PEX7: variants seen among roughly 807,000 people sequenced by gnomAD.
PEX7 encodes the protein peroxisomal biogenesis factor 7, also known as PTS2 receptor.
Under a neutral mutation model 47.5 loss-of-function variants are expected in PEX7, and 34 were observed. The observed-to-expected ratio is 0.72, with a 90% CI of 0.54 to 0.95. PEX7 has a LOEUF of 0.95. Ranked by LOEUF, PEX7 falls within the 40% of genes least tolerant of loss-of-function variation. The pLI is 0.00. For synonymous variants in PEX7, 141 were observed against 148.8 expected, an observed-to-expected ratio of 0.95 and a Z score of 0.38; for missense variants, 394 against 400.3, an observed-to-expected ratio of 0.98 and a Z score of 0.13.
intron 5 of PEX7, among the ~76,000 whole-genome samples, chr6:136,846,551 T>C (rs1774606092): frequency 6.6e-6 from 1 of 151,956 alleles, no homozygotes; most frequent in South Asian, 2.1e-4. Flanking sequence ...TGTCCAAGTG[T>C]TCTCATTGTT....
Position 136,872,201 on chromosome 6 carries a change from T to A in PEX7, c.751T>A (p.Ser251Thr). The A allele has an allele frequency of 6.2e-7, 1 of 1,608,964 alleles. No individual in the cohort carries two copies. Reference protein sequence around the residue: ...HTYAIRRVKFSPFHASVLASC... With the variant: ...HTYAIRRVKFTPFHASVLASC... ...TTTTTTCTTTTTTTTTTTGTAGTTTTCACCATTTCATGCTTCTGTGCTGGC... is the reference window on the plus strand; with the variant it reads ...TTTTTTCTTTTTTTTTTTGTAGTTTACACCATTTCATGCTTCTGTGCTGGC... Residue 251 changes from serine (S) to threonine (T), a missense_variant, in exon 8 of 10, where the codon TCA (serine) becomes ACA (threonine). Coordinates refer to ENST00000318471, the MANE Select transcript of PEX7 (RefSeq NM_000288.4).
At position 136,825,294 on chromosome 6, in the gene PEX7, A is replaced by C. The variant is rs566604333; in HGVS notation, c.188+23A>C. ...AAGGTAAGGGGGCTGAAATTATTAA[A>C]GGTATATATTGTTGCTATTAAAGCC... is the stretch of plus-strand genomic sequence containing the variant. On this transcript the variant is annotated intron_variant, in intron 2 of 9. Coordinates refer to ENST00000318471, the MANE Select transcript of PEX7 (RefSeq NM_000288.4). 313 of 1,572,878 alleles carry C rather than the reference A, an allele frequency of 2.0e-4. 3 individuals carry two copies. In the South Asian group the frequency reaches 3.3e-3, roughly 16 times the overall value.
At chr6:136,854,086 G>A (rs1373195944) in intron 5 of PEX7, among the ~76,000 whole-genome samples, 3 of 20,104 alleles carry the variant, frequency 1.5e-4, no homozygotes, top group Non-Finnish European at 3.1e-4. Context: ...TAACCTTTAC[G>A]GTTAGTAAGG....
chr6:136,837,826 A>ACACG (rs1193004666), intron 3 of PEX7, among the ~76,000 whole-genome samples: 1 of 151,950 alleles, frequency 6.6e-6, no homozygotes, highest in African/African-American at 2.4e-5. Context: ...ACACACACAC[A>ACACG]CACACACACA....
At chr6:136,906,806 A>G (rs1169074589) in intron 9 of PEX7, among the ~76,000 whole-genome samples, 6 of 152,144 alleles carry the variant, frequency 3.9e-5, no homozygotes, top group African/African-American at 1.4e-4. Context: ...CTCTTGCCAT[A>G]CTATTAAGTA....
At chr6:136,862,187 G>A (rs538182550) in intron 5 of PEX7, among the ~76,000 whole-genome samples, 13 of 150,668 alleles carry the variant, frequency 8.6e-5, no homozygotes, top group East Asian at 3.9e-4. Flanking sequence ...ATGCCCCAGC[G>A]TCTTGAGTAG....
intron 3 of PEX7, among the ~76,000 whole-genome samples, chr6:136,835,772 A>G (rs923141134): frequency 1.3e-5 from 2 of 152,246 alleles, no homozygotes; most frequent in African/African-American, 4.8e-5. Context: ...TGGAGATTGC[A>G]ATATTCAAAA....
chr6:136,895,949 C>T (rs965022179), intron 8 of PEX7, among the ~76,000 whole-genome samples: 30 of 149,186 alleles, frequency 2.0e-4, no homozygotes, highest in Non-Finnish European at 3.9e-4. Flanking sequence ...TTTGACTACC[C>T]ATTAGCTGTA....
At chr6:136,911,038 T>C (rs1044323899) in intron 9 of PEX7, among the ~76,000 whole-genome samples, 3 of 152,180 alleles carry the variant, frequency 2.0e-5, no homozygotes, top group Non-Finnish European at 4.4e-5. Flanking sequence ...ATCTTAGATA[T>C]ACATTTTTGA....
chr6:136,874,501 G>A (rs1651072177), intron 8 of PEX7, among the ~76,000 whole-genome samples: 1 of 151,850 alleles, frequency 6.6e-6, no homozygotes, highest in South Asian at 2.1e-4. Context: ...GTGAAACCCT[G>A]TCTCTACTAA....
chr6:136,825,943 A>G (rs1054966316), intron 2 of PEX7, among the ~76,000 whole-genome samples: 2 of 152,110 alleles, frequency 1.3e-5, no homozygotes, highest in African/African-American at 2.4e-5. Context: ...GGGCCACTAC[A>G]CTCCAGCCTG....
At chr6:136,906,271 A>G (rs1672535925) in intron 9 of PEX7, among the ~76,000 whole-genome samples, 2 of 152,352 alleles carry the variant, frequency 1.3e-5, no homozygotes, top group South Asian at 4.1e-4. Flanking sequence ...ATAAAATTTT[A>G]AAGGTAGAAC....
chr6:136,862,008 T>A (rs925176729), intron 5 of PEX7, among the ~76,000 whole-genome samples: 25 of 141,102 alleles, frequency 1.8e-4, no homozygotes, highest in African/African-American at 5.5e-4. Context: ...ATATATATAT[T>A]TTTTCTGTAT....
At chr6:136,871,065 A>C (rs1775171520) in intron 7 of PEX7, among the ~76,000 whole-genome samples, 2 of 152,236 alleles carry the variant, frequency 1.3e-5, no homozygotes, top group Admixed American at 6.5e-5. Flanking sequence ...CATAGGAGAC[A>C]CAGTGCTCTG....
At chr6:136,884,861 C>G (rs1775440161) in intron 8 of PEX7, among the ~76,000 whole-genome samples, 1 of 152,134 alleles carries the variant, frequency 6.6e-6, no homozygotes, top group African/African-American at 2.4e-5. Context: ...CATCTTGATT[C>G]TTTCTAAACT....
At chr6:136,841,067 T>C (rs1045594519) in intron 3 of PEX7, among the ~76,000 whole-genome samples, 5 of 152,230 alleles carry the variant, frequency 3.3e-5, no homozygotes, top group African/African-American at 1.2e-4. Context: ...GCTGGTCTTA[T>C]CTAAAATTGT....
chr6:136,822,775 C>CCT lies in PEX7; in HGVS notation c.110_111insCT (p.Gln38CysfsTer13). ...CCGGGCCGCCTGGCCTGCGCCACCG[C>CCT]GCAGCACTACGGCATCGCGGGTGAG... On this transcript the variant is annotated frameshift_variant, in exon 1 of 10. Coordinates refer to ENST00000318471, the MANE Select transcript of PEX7 (RefSeq NM_000288.4). LOFTEE classifies it high-confidence loss of function. 1 of 1,440,972 alleles carries CCT rather than the reference C, an allele frequency of 6.9e-7. No homozygotes were observed. The highest frequency in any genetic ancestry group is 9.1e-7 in the Non-Finnish European group (1 of 1,102,728). 89.3% of individuals were successfully genotyped at this position (1,440,972 alleles called of 1,614,324 possible). A position where few individuals can be genotyped will look rare whatever the true frequency, so the allele number is the denominator to read the frequency against.
At chr6:136,869,166 C>A (rs1257443230) in intron 6 of PEX7, among the ~76,000 whole-genome samples, 1 of 152,180 alleles carries the variant, frequency 6.6e-6, no homozygotes, top group Non-Finnish European at 1.5e-5. Flanking sequence ...CTCAAGTGAT[C>A]CACCGGCCTT....
At chr6:136,862,212 G>A (rs1010437024) in intron 5 of PEX7, among the ~76,000 whole-genome samples, 6 of 151,094 alleles carry the variant, frequency 4.0e-5, no homozygotes, top group East Asian at 1.9e-4. Context: ...GATTACAGGC[G>A]TGTGCCACCA....
Sources: gnomAD v4.1 joint callset for allele counts (sites outside exome capture counted in the v4.1 genomes callset) on GRCh38, gnomAD v4.1.1 for gene constraint, MANE v1.5 for transcripts, NCBI Gene and HGNC (gene_info 2026-07-23, HGNC 2026-07-21) for gene names.